The following CSRP1 variants were observed in gnomAD, a reference collection of about 807,000 sequenced individuals.
CSRP1 encodes the protein cysteine and glycine-rich protein 1.
CSRP1 carries 16 observed loss-of-function variants against 25.4 expected under a neutral mutation model. The observed-to-expected ratio is 0.63, with a 90% CI of 0.43 to 0.96. CSRP1 has a LOEUF of 0.96. CSRP1 is among the 40% of genes least tolerant of loss of function. CSRP1 has a pLI of 0.00. For missense variants in CSRP1, 212 were observed against 243.6 expected (o/e 0.87, Z 0.86); for synonymous variants, 97 against 95.3 (o/e 1.02, Z -0.10).
Position 201,483,982 on chromosome 1 carries a change from G to C in CSRP1, c.*731C>G, listed in dbSNP as rs1330718841. ...TGATAAATGCCAATATATGTTTCAG[G>C]TATTTCATTAGGATCCTCCCATCAA... On this transcript the variant is annotated 3_prime_UTR_variant, in exon 6 of 6. Transcript: ENST00000340006. The C allele has an allele frequency of 5.8e-6, 4 of 693,094 alleles. No individual in the cohort carries two copies. The Admixed American group carries it at 8.0e-5, about 14-fold the overall frequency. The allele number at this position is 693,094 out of a possible 1,614,324, so 42.9% of individuals were successfully genotyped here. A position where few individuals can be genotyped will look rare whatever the true frequency, so the allele number is the denominator to read the frequency against.
At chr1:201,489,859 G>C in intron 3 of CSRP1, 1 of 226,398 alleles carries the variant, frequency 4.4e-6, no homozygotes. Flanking sequence ...GACAGAGCAA[G>C]ACTCCCTTTC....
rs777921929 is a variant in CSRP1, at chr1:201,496,319, A to G, written c.-1-15T>C. 4 of 1,573,530 alleles carry G rather than the reference A, an allele frequency of 2.5e-6. No homozygotes were observed. Among genetic ancestry groups the G allele is most frequent in the East Asian group, 2.2e-5 (1 of 44,708 alleles). Reference sequence around the variant, plus strand: ...AGTTCGGCATTCTGAAAAGGGACACAGAAATGGGAATTAATTTTACAGGGA... The same window carrying G: ...AGTTCGGCATTCTGAAAAGGGACACGGAAATGGGAATTAATTTTACAGGGA... On this transcript the variant is annotated splice_polypyrimidine_tract_variant and intron_variant, in intron 1 of 5. Coordinates refer to ENST00000340006, the MANE Select transcript of CSRP1 (RefSeq NM_004078.3).
chr1:201,501,850 G>A lies in CSRP1; in HGVS notation c.-2+5220C>T, dbSNP rs539246614. Among the ~76,000 whole-genome samples, 6 of 152,060 alleles carry A rather than the reference G, an allele frequency of 3.9e-5. No homozygotes were observed. The South Asian group carries it at 6.2e-4, about 16-fold the overall frequency. ...TTTAATAAAAATACAAAAATTAGCC[G>A]GGTATGGTGGCGGGCACCTGTAATC... is the stretch of plus-strand genomic sequence containing the variant. On this transcript the variant is annotated intron_variant, in intron 1 of 5. Coordinates refer to ENST00000340006, the MANE Select transcript of CSRP1 (RefSeq NM_004078.3).
In CSRP1 at chr1:201,488,946, G is replaced by T. The variant is rs1216890136; in HGVS notation, c.320C>A (p.Ser107Tyr). The change falls in exon 4 of 6, where the codon TCC becomes TAC. Residue 107 changes from serine to tyrosine, a missense_variant. Ser to Tyr is a moderately radical substitution (Grantham distance 144). Transcript: ENST00000340006. ...GHRPTTNPNA[S>Y]KFAQKIGGSE... is the part of the protein sequence containing the mutation. ...GCCACCAATCTTCTGGGCAAATTTG[G>T]ATGCATTGGGGTTGGTGGTGGGCCT... 1.2e-6 allele frequency: 2 copies of T among 1,614,018 alleles called. No homozygotes were observed. Among genetic ancestry groups the T allele is most frequent in the Non-Finnish European group, 1.7e-6 (2 of 1,180,034 alleles).
chr1:201,489,463 G>A (rs1664258503), intron 3 of CSRP1: 1 of 175,256 alleles, frequency 5.7e-6, no homozygotes. Context: ...GAGTGCCGTG[G>A]GGTGAGGGGG....
chr1:201,485,197 T>C, intron 5 of CSRP1, 86 bp downstream of exon 5: 1 of 1,090,702 alleles, frequency 9.2e-7, no homozygotes, highest in Middle Eastern at 2.0e-4. Flanking sequence ...GGCCAGGAAT[T>C]AGTTTACATT....
chr1:201,497,220 G>A (rs1408604078), intron 1 of CSRP1, among the ~76,000 whole-genome samples: 2 of 151,988 alleles, frequency 1.3e-5, no homozygotes, highest in African/African-American at 4.8e-5. Context: ...TTAGCCAGGT[G>A]TGGTGGTGCG....
At chr1:201,494,542 T>C (rs2102409567) in intron 2 of CSRP1, among the ~76,000 whole-genome samples, 1 of 152,342 alleles carries the variant, frequency 6.6e-6, no homozygotes, top group African/African-American at 2.4e-5. Context: ...GCCCTGGAGC[T>C]GTCACTCCAG....
At chr1:201,486,552 C>T (rs1348404200) in intron 4 of CSRP1, 1 of 990,068 alleles carries the variant, frequency 1.0e-6, no homozygotes, top group African/African-American at 1.7e-5. Flanking sequence ...GCTGGTGCAA[C>T]CTCAATAGTC....
At chr1:201,504,309 A>G (rs957327946) in intron 1 of CSRP1, among the ~76,000 whole-genome samples, 2 of 152,346 alleles carry the variant, frequency 1.3e-5, no homozygotes, top group Middle Eastern at 3.4e-3. Flanking sequence ...AAATTGTCCA[A>G]GATAACACAT....
At position 201,485,604 on chromosome 1, in the gene CSRP1, T is replaced by G. The variant is rs1038550588; in HGVS notation, c.412-228A>C. ...TCTTCCATGCTATGTTGCAATGGCC[T>G]GATGATTAGGGTCACCAGCTATACC... On this transcript the variant is annotated intron_variant, in intron 4 of 5. Coordinates refer to ENST00000340006, the MANE Select transcript of CSRP1 (RefSeq NM_004078.3). 9 of 543,964 alleles carry G rather than the reference T, an allele frequency of 1.7e-5. No homozygotes were observed. In the Admixed American group the frequency reaches 2.8e-4, roughly 17 times the overall value. 33.7% of individuals were successfully genotyped at this position (543,964 alleles called of 1,614,324 possible).
chr1:201,485,238 C>A (rs533866452), intron 5 of CSRP1, 45 bp downstream of exon 5: 3 of 1,563,182 alleles, frequency 1.9e-6, no homozygotes, highest in South Asian at 2.2e-5. Context: ...AGCCCCCCTA[C>A]CCCCTTGGGC....
intron 2 of CSRP1, among the ~76,000 whole-genome samples, chr1:201,494,083 C>G (rs1191608454): frequency 6.6e-6 from 1 of 152,014 alleles, no homozygotes; most frequent in Non-Finnish European, 1.5e-5. Flanking sequence ...TTGCATAACA[C>G]CCCCGCACCC....
intron 1 of CSRP1, among the ~76,000 whole-genome samples, chr1:201,502,028 T>TAAATAAATAAAG (rs1553232871): frequency 3.6e-5 from 5 of 139,726 alleles, no homozygotes; most frequent in African/African-American, 1.3e-4. Flanking sequence ...AATAAATAAA[T>TAAATAAATAAAG]AAAGTCTGGC....
intron 2 of CSRP1, among the ~76,000 whole-genome samples, chr1:201,494,593 G>A (rs953730339): frequency 6.6e-6 from 1 of 152,220 alleles, no homozygotes; most frequent in Admixed American, 6.5e-5. Flanking sequence ...TGCCCTGTGC[G>A]GGGTGGCCTC....
chr1:201,506,182 G>A (rs767685154), intron 1 of CSRP1, among the ~76,000 whole-genome samples: 1 of 152,004 alleles, frequency 6.6e-6, no homozygotes, highest in Non-Finnish European at 1.5e-5. Flanking sequence ...TTCTACCAGG[G>A]CCCAGTGGAT....
At chr1:201,497,887 G>A (rs1317583566) in intron 1 of CSRP1, among the ~76,000 whole-genome samples, 1 of 152,014 alleles carries the variant, frequency 6.6e-6, no homozygotes, top group African/African-American at 2.4e-5. Context: ...GCACCTGCCT[G>A]TAATCCCAGC....
In CSRP1 at chr1:201,484,443, G is replaced by A. The variant is rs537578953; in HGVS notation, c.*270C>T. On this transcript the variant is annotated 3_prime_UTR_variant, in exon 6 of 6. Transcript: ENST00000340006. ...AGAACAGAGCTCTGTGGGGCGAGGT[G>A]TGGGGAGAGGGGCCTGCTCTCACCT... 22 of 545,338 alleles carry A rather than the reference G, an allele frequency of 4.0e-5. No individual in the cohort carries two copies. The East Asian group carries it at 5.6e-4, about 14-fold the overall frequency. The allele number at this position is 545,338 out of a possible 1,614,324, so 33.8% of individuals were successfully genotyped here.
chr1:201,490,727 T>C (rs1664313606), intron 2 of CSRP1: 1 of 167,622 alleles, frequency 6.0e-6, no homozygotes, highest in Non-Finnish European at 1.3e-5. Context: ...ACAGAGACCA[T>C]ATGTCCCAAT....
Sources: gnomAD v4.1 joint callset for allele counts (sites outside exome capture counted in the v4.1 genomes callset) on GRCh38, gnomAD v4.1.1 for gene constraint, MANE v1.5 for transcripts, NCBI Gene and HGNC (gene_info 2026-07-23, HGNC 2026-07-21) for gene names.